The following FAM180A variants were observed in gnomAD, a reference collection of about 807,000 sequenced individuals.
FAM180A encodes the protein protein FAM180A.
FAM180A carries 14 observed loss-of-function variants against 15.3 expected under a neutral mutation model. The ratio of observed to expected loss-of-function variants is 0.92; its 90% CI spans 0.61 to 1.43. The LOEUF is 1.43. Among genes scored for constraint, FAM180A ranks in the 40% most tolerant of loss-of-function variants. The probability of loss-of-function intolerance (pLI) is 0.00; values close to 1 mark genes in which losing one functional copy is unlikely to be tolerated. For synonymous variants in FAM180A, 90 were observed against 96.8 expected, an observed-to-expected ratio of 0.93 and a Z score of 0.41; for missense variants, 200 against 220.8, an observed-to-expected ratio of 0.91 and a Z score of 0.60.
Position 135,730,109 on chromosome 7 carries a change from C to T in FAM180A, c.*502G>A. ...ATTTGATTTTAGACCATTGGACCTG[C>T]AGAAATACTTTGATTTGTTAGATTC... On this transcript the variant is annotated 3_prime_UTR_variant, in exon 4 of 4. Coordinates refer to ENST00000338588, the MANE Select transcript of FAM180A (RefSeq NM_205855.4). 2.0e-6 allele frequency: 2 copies of T among 985,344 alleles called. No individual in the cohort carries two copies. The highest frequency in any genetic ancestry group is 2.4e-6 in the Non-Finnish European group (2 of 829,922). The allele number at this position is 985,344 out of a possible 1,614,324, so 61.0% of individuals were successfully genotyped here.
intron 2 of FAM180A, among the ~76,000 whole-genome samples, chr7:135,734,929 T>A (rs548613430): frequency 2.1e-4 from 32 of 152,214 alleles, no homozygotes; most frequent in Non-Finnish European, 4.4e-4. Context: ...TGAGATGGAG[T>A]CTCACTCTGT....
rs924947298 is a variant in FAM180A at position 135,733,657 on chromosome 7, C to G, written c.*318G>C. The G allele has an allele frequency of 9.0e-7, 1 of 1,107,964 alleles. No homozygotes were observed. The highest frequency in any genetic ancestry group is 1.6e-5 in the African/African-American group (1 of 61,154). 68.6% of individuals were successfully genotyped at this position (1,107,964 alleles called of 1,614,324 possible). ...CCTCTGTGCCCGGCCTGTTCTCACT[C>G]TTGAGTGTGTGGCCACTGCTCTGGG... On this transcript the variant is annotated 3_prime_UTR_variant, in exon 3 of 4. Coordinates refer to ENST00000338588, the MANE Select transcript of FAM180A (RefSeq NM_205855.4).
intron 3 of FAM180A, 68 bp downstream of exon 3, chr7:135,733,578 C>G (rs1796824109): frequency 1.1e-6 from 1 of 886,680 alleles, no homozygotes; most frequent in African/African-American, 1.8e-5. Context: ...AACTCCTGAC[C>G]TCAAATAATC....
At chr7:135,745,473 G>A (rs1237456282) in intron 1 of FAM180A, among the ~76,000 whole-genome samples, 1 of 151,888 alleles carries the variant, frequency 6.6e-6, no homozygotes, top group Admixed American at 6.6e-5. Flanking sequence ...GGCCACCTGT[G>A]TGTGTGTGTG....
In FAM180A at chr7:135,733,964, G is replaced by A. The variant is rs1264196526; in HGVS notation, c.*11C>T. 1.3e-6 allele frequency: 2 copies of A among 1,580,570 alleles called. No homozygotes were observed. Among genetic ancestry groups the A allele is most frequent in the Non-Finnish European group, 8.6e-7 (1 of 1,162,510 alleles). ...GGTCCCTGCTCTGAGGTCCTGGTGT[G>A]GGCCAGTCTCTCAGGGAGGTACTCC... On this transcript the variant is annotated 3_prime_UTR_variant, in exon 3 of 4. Transcript: ENST00000338588.
At chr7:135,747,760 T>C (rs1563182408) in intron 1 of FAM180A, among the ~76,000 whole-genome samples, 1 of 152,158 alleles carries the variant, frequency 6.6e-6, no homozygotes. Context: ...CCGTTCATAT[T>C]GGTGAAGAGT....
chr7:135,737,237 T>C (rs1044400788), intron 1 of FAM180A, 38 bp from the exon 2 acceptor site: 1 of 1,472,830 alleles, frequency 6.8e-7, no homozygotes, highest in Non-Finnish European at 9.2e-7. Flanking sequence ...GGCTGCTGTG[T>C]GCGCCCAGAC....
intron 1 of FAM180A, among the ~76,000 whole-genome samples, chr7:135,738,107 G>A (rs1796897063): frequency 6.6e-6 from 1 of 152,232 alleles, no homozygotes; most frequent in Non-Finnish European, 1.5e-5. Flanking sequence ...AATAAAGGAA[G>A]AGAGATGCAC....
At chr7:135,739,919 A>G (rs1796922265) in intron 1 of FAM180A, among the ~76,000 whole-genome samples, 1 of 152,286 alleles carries the variant, frequency 6.6e-6, no homozygotes, top group African/African-American at 2.4e-5. Context: ...TGCGCTGGGC[A>G]TAGCTGTTGA....
At position 135,734,147 on chromosome 7, in the gene FAM180A, A is replaced by T; in HGVS notation, c.350T>A (p.Ile117Asn). 6.2e-7 allele frequency: 1 copy of T among 1,614,138 alleles called. No homozygotes were observed. The highest frequency in any genetic ancestry group is 8.5e-7 in the Non-Finnish European group (1 of 1,180,028). ...LSASLSSHPG[I>N]LKKEDFERTV... ...CCTTTCAAAGTCTTCTTTCTTGAGGATGCCAGGGTGGCTGGAGAGGCTGGC... is the reference window on the plus strand; with the variant it reads ...CCTTTCAAAGTCTTCTTTCTTGAGGTTGCCAGGGTGGCTGGAGAGGCTGGC... The change falls in exon 3 of 4, where the codon ATC becomes AAC. Residue 117 changes from isoleucine (I) to asparagine (N), a missense_variant. Physicochemically the swap from Ile to Asn is moderately radical, Grantham distance 149 (BLOSUM62 -3). Transcript: ENST00000338588.
chr7:135,742,132 A>G (rs1584753311), intron 1 of FAM180A, among the ~76,000 whole-genome samples: 1 of 152,284 alleles, frequency 6.6e-6, no homozygotes, highest in East Asian at 1.9e-4. Flanking sequence ...TCTAGGGCAG[A>G]CATCTCAGTG....
intron 1 of FAM180A, among the ~76,000 whole-genome samples, chr7:135,746,547 C>A (rs1055186153): frequency 1.3e-5 from 2 of 152,120 alleles, no homozygotes; most frequent in East Asian, 3.8e-4. Flanking sequence ...ATGTGGCTAT[C>A]GTGTTTACAA....
At chr7:135,735,681 T>G (rs1450450851) in intron 2 of FAM180A, among the ~76,000 whole-genome samples, 2 of 152,218 alleles carry the variant, frequency 1.3e-5, no homozygotes, top group African/African-American at 4.8e-5. Context: ...CTTAACTGCA[T>G]GGCTACAGCA....
intron 1 of FAM180A, among the ~76,000 whole-genome samples, chr7:135,740,695 A>G (rs537189680): frequency 6.6e-5 from 10 of 152,270 alleles, no homozygotes; most frequent in Middle Eastern, 3.4e-3. Context: ...GACCAAGGTC[A>G]TCATGTTCTT....
chr7:135,735,424 G>A (rs891619153), intron 2 of FAM180A, among the ~76,000 whole-genome samples: 6 of 152,222 alleles, frequency 3.9e-5, no homozygotes, highest in Admixed American at 1.3e-4. Flanking sequence ...CCCACTAAGC[G>A]TGGGAGCTGG....
In FAM180A at chr7:135,741,111, G is replaced by A. The variant is rs74938927; in HGVS notation, c.77-3912C>T. On this transcript the variant is annotated intron_variant, in intron 1 of 3. Coordinates refer to ENST00000338588, the MANE Select transcript of FAM180A (RefSeq NM_205855.4). The stretch of plus-strand genomic sequence containing the variant: ...ATGATCTTAGACCTGGACTTTCTTC[G>A]CTCAGTTGTTGCCCTGTGAACAGCA... Among the ~76,000 whole-genome samples the A allele has an allele frequency of 9.5e-3, 1,447 of 152,208 alleles. 31 individuals carry two copies. Among genetic ancestry groups the A allele is most frequent in the East Asian group, 0.07 (365 of 5,180 alleles).
At chr7:135,736,983 C>A in intron 2 of FAM180A, 116 bp downstream of exon 2, 1 of 778,356 alleles carries the variant, frequency 1.3e-6, no homozygotes. Context: ...TTCCCTACCA[C>A]AGCAGGGGTC....
At chr7:135,742,959 T>C (rs1302717769) in intron 1 of FAM180A, among the ~76,000 whole-genome samples, 1 of 152,232 alleles carries the variant, frequency 6.6e-6, no homozygotes, top group Non-Finnish European at 1.5e-5. Context: ...CACTGATAAG[T>C]GAACAATGCT....
intron 1 of FAM180A, among the ~76,000 whole-genome samples, chr7:135,745,970 G>A (rs970287942): frequency 6.6e-6 from 1 of 151,872 alleles, no homozygotes; most frequent in African/African-American, 2.4e-5. Context: ...AAAAAAAGAT[G>A]GCAAGAATTG....
Sources: allele counts gnomAD v4.1 joint callset (sites outside exome capture counted in the v4.1 genomes callset), GRCh38; gene constraint gnomAD v4.1.1; transcripts MANE v1.5; gene names NCBI Gene and HGNC (gene_info 2026-07-23, HGNC 2026-07-21).